DISP3: variants seen among roughly 807,000 people sequenced by gnomAD.
The protein encoded by DISP3 is protein dispatched homolog 3.
A neutral mutation model predicts 135.3 loss-of-function variants in DISP3; 101 were observed. That is an observed-to-expected ratio of 0.75 (90% confidence interval 0.64 to 0.88). DISP3 has a LOEUF of 0.88. Ranked by LOEUF, DISP3 falls within the 40% of genes least tolerant of loss-of-function variation. The probability of loss-of-function intolerance (pLI) is 0.00; values close to 1 mark genes in which losing one functional copy is unlikely to be tolerated. For missense variants in DISP3, 1,713 were observed against 1,878.6 expected, an observed-to-expected ratio of 0.91 and a Z score of 1.63; for synonymous variants, 856 against 817.0, an observed-to-expected ratio of 1.05 and a Z score of -0.81.
At chr1:11,493,825 T>C (rs1641255360) in intron 1 of DISP3, among the ~76,000 whole-genome samples, 1 of 152,164 alleles carries the variant, frequency 6.6e-6, no homozygotes, top group Non-Finnish European at 1.5e-5. Flanking sequence ...CCAGTCAAGT[T>C]GACACATAGA....
chr1:11,523,946 G>A lies in DISP3; in HGVS notation c.2367G>A (p.Leu789=), dbSNP rs1642330588. 6.2e-7 allele frequency: 1 copy of A among 1,612,354 alleles called. No individual in the cohort carries two copies. The highest frequency in any genetic ancestry group is 8.5e-7 in the Non-Finnish European group (1 of 1,179,258). Reference sequence around the variant, plus strand: ...TGACATGGCGCTGGGGGGCAGGTCTGTTCCAGGAGAAGCCCCACAGCCTGC... The same window carrying A: ...TGACATGGCGCTGGGGGGCAGGTCTATTCCAGGAGAAGCCCCACAGCCTGC... ...EGISCITCSG[L]FQEKPHSLQN... is the part of the protein sequence containing the mutation. Residue 789 remains leucine, a synonymous_variant, in exon 11 of 21, where the codon CTG becomes CTA. Transcript: ENST00000294484.
chr1:11,497,657 G>C (rs2100393420), intron 1 of DISP3, among the ~76,000 whole-genome samples: 1 of 152,222 alleles, frequency 6.6e-6, no homozygotes, highest in African/African-American at 2.4e-5. Flanking sequence ...CAGAGTGCCG[G>C]GATTACAGGC....
chr1:11,505,801 A>G (rs1034128135), intron 3 of DISP3, among the ~76,000 whole-genome samples: 10 of 152,190 alleles, frequency 6.6e-5, no homozygotes, highest in African/African-American at 2.4e-4. Context: ...TCATTATTTT[A>G]CAGAGTCTGT....
At chr1:11,504,681 G>T (rs1428397201) in intron 3 of DISP3, among the ~76,000 whole-genome samples, 1 of 152,138 alleles carries the variant, frequency 6.6e-6, no homozygotes, top group African/African-American at 2.4e-5. Context: ...ATAAAGCGAG[G>T]TTCCTCCTCT....
intron 1 of DISP3, among the ~76,000 whole-genome samples, chr1:11,490,649 T>C (rs1641159173): frequency 6.6e-6 from 1 of 152,138 alleles, no homozygotes; most frequent in African/African-American, 2.4e-5. Context: ...GCTCCAGTGC[T>C]GATGGGTCTT....
intron 3 of DISP3, among the ~76,000 whole-genome samples, chr1:11,503,299 G>A (rs1287551794): frequency 4.6e-5 from 7 of 152,194 alleles, no homozygotes; most frequent in Non-Finnish European, 7.3e-5. Context: ...ATATGTGAGA[G>A]GAGATTTATT....
chr1:11,519,330 C>G lies in DISP3; in HGVS notation c.1890-25C>G, dbSNP rs1410161347. 1.9e-6 allele frequency: 3 copies of G among 1,610,920 alleles called. No individual in the cohort carries two copies. In the South Asian group the frequency reaches 3.3e-5, roughly 18 times the overall value. On this transcript the variant is annotated intron_variant, in intron 7 of 20. Coordinates refer to ENST00000294484, the MANE Select transcript of DISP3 (RefSeq NM_020780.2). The surrounding 1 kb of genome is among the most constrained non-coding windows in gnomAD (Gnocchi z 4.3). ...TGGGTACCCAGGACCCTCTGGTTCACCCCTGTCCCCTACTCTCTCCACAGC... is the reference window on the plus strand; with the variant it reads ...TGGGTACCCAGGACCCTCTGGTTCAGCCCTGTCCCCTACTCTCTCCACAGC...
chr1:11,521,353 T>G, intron 10 of DISP3, among the ~76,000 whole-genome samples: 1 of 83,818 alleles, frequency 1.2e-5, no homozygotes, highest in East Asian at 3.7e-4. Flanking sequence ...GAGGAGGGGT[T>G]AGCCAGGTGA....
intron 12 of DISP3, 70 bp downstream of exon 12, chr1:11,525,382 G>C (rs1642384461): frequency 5.8e-6 from 9 of 1,543,208 alleles, no homozygotes; most frequent in Non-Finnish European, 7.9e-6. Context: ...GGCCACACTG[G>C]TGGGCAGCCC....
At chr1:11,533,253 CTTTTTTT>C (rs70983563) in intron 17 of DISP3, among the ~76,000 whole-genome samples, 20 of 103,986 alleles carry the variant, frequency 1.9e-4, no homozygotes, top group East Asian at 9.1e-4. Context: ...GTGACTGTTT[CTTTTTTT>C]TTTTTTTTTT....
rs1557600205 is a variant in DISP3, at chr1:11,501,758, TG to T, written c.769del (p.Asp257ThrfsTer7). 2 of 1,593,134 alleles carry T rather than the reference TG, an allele frequency of 1.3e-6. No homozygotes were observed. Among genetic ancestry groups the T allele is most frequent in the African/African-American group, 2.7e-5 (2 of 74,474 alleles). The stretch of plus-strand genomic sequence containing the variant: ...CCGTGCCCGCCGAGGCGCCTCGCGC[TG>T]GGACTACTCGCGCGCCTATGTGAGT... ...QSRARRGASR[W>X]DYSRAYVSAN... On this transcript the variant is annotated frameshift_variant, in exon 2 of 21. Transcript: ENST00000294484. LOFTEE classifies it high-confidence loss of function. This position sits in a 1 kb window ranked among gnomAD's most constrained non-coding sequence, Gnocchi z 4.9.
At position 11,536,961 on chromosome 1, in the gene DISP3, G is replaced by A. The variant is rs972093006; in HGVS notation, c.*275G>A. On this transcript the variant is annotated 3_prime_UTR_variant, in exon 21 of 21. Coordinates refer to ENST00000294484, the MANE Select transcript of DISP3 (RefSeq NM_020780.2). This position sits in a 1 kb window ranked among gnomAD's most constrained non-coding sequence, Gnocchi z 4.3. ...AGAGACCAGCCCTCCTCCCATGCCC[G>A]GTCACCATGGGGGTCAGGTTATTTT... 17 of 491,832 alleles carry A rather than the reference G, an allele frequency of 3.5e-5. No homozygotes were observed. Among genetic ancestry groups the A allele is most frequent in the African/African-American group, 1.2e-4 (6 of 51,670 alleles). 30.5% of individuals were successfully genotyped at this position (491,832 alleles called of 1,614,324 possible). A position where few individuals can be genotyped will look rare whatever the true frequency, so the allele number is the denominator to read the frequency against.
Position 11,529,499 on chromosome 1 carries a change from C to T in DISP3, c.2799-57C>T. On this transcript the variant is annotated intron_variant, in intron 13 of 20. Transcript: ENST00000294484. The surrounding 1 kb of genome is among the most constrained non-coding windows in gnomAD (Gnocchi z 4.7). ...CCCAACCCTGGCCTGCTGGCCTCAC[C>T]TCCCCTGACTCCTCCTAGCCTTTCC... is the stretch of plus-strand genomic sequence containing the variant. 1 of 1,516,180 alleles carries T rather than the reference C, an allele frequency of 6.6e-7. No individual in the cohort carries two copies. The allele number at this position is 1,516,180 out of a possible 1,614,324, so 93.9% of individuals were successfully genotyped here.
At chr1:11,532,833 G>A (rs965206040) in intron 17 of DISP3, among the ~76,000 whole-genome samples, 2 of 152,062 alleles carry the variant, frequency 1.3e-5, no homozygotes, top group South Asian at 2.1e-4. Flanking sequence ...CAGTAGCTGG[G>A]ACTACAGGTG....
chr1:11,528,052 G>T (rs1321591214), intron 13 of DISP3, among the ~76,000 whole-genome samples: 1 of 152,204 alleles, frequency 6.6e-6, no homozygotes, highest in Non-Finnish European at 1.5e-5. Context: ...GGTGTCTGGC[G>T]TAGTAGGTAC....
Position 11,536,794 on chromosome 1 carries a change from C to T in DISP3, c.*108C>T, listed in dbSNP as rs1298601997. 3.0e-5 allele frequency: 41 copies of T among 1,380,746 alleles called. No homozygotes were observed. The East Asian group carries it at 7.8e-4, about 26-fold the overall frequency. The allele number at this position is 1,380,746 out of a possible 1,614,324, so 85.5% of individuals were successfully genotyped here. A position where few individuals can be genotyped will look rare whatever the true frequency, so the allele number is the denominator to read the frequency against. On this transcript the variant is annotated 3_prime_UTR_variant, in exon 21 of 21. Transcript: ENST00000294484. The surrounding 1 kb of genome is among the most constrained non-coding windows in gnomAD (Gnocchi z 4.3). ...TGTGTCCCCAGGCCTGGGCCCAGGGCGCCCTGCGGGCCAGCGTGGAGGCTG... is the reference window on the plus strand; with the variant it reads ...TGTGTCCCCAGGCCTGGGCCCAGGGTGCCCTGCGGGCCAGCGTGGAGGCTG...
chr1:11,515,328 G>A, intron 4 of DISP3, 41 bp from the exon 5 acceptor site: 2 of 1,612,272 alleles, frequency 1.2e-6, no homozygotes, highest in South Asian at 1.1e-5. Flanking sequence ...TGTCCCATGA[G>A]GGTCCCCCCA....
rs752686812 is a variant in DISP3, at chr1:11,501,040, G to A, written c.48G>A (p.Glu16=). ...TGCTGCAGGATGTGTGGCTAGAGGAGGAGCAGGAGGAGGAAGAAGCAACGG... is the reference window on the plus strand; with the variant it reads ...TGCTGCAGGATGTGTGGCTAGAGGAAGAGCAGGAGGAGGAAGAAGCAACGG... ...DPLLQDVWLE[E]EQEEEEATGE... The change falls in exon 2 of 21, where the codon GAG becomes GAA. Residue 16 remains glutamate, a synonymous_variant. Transcript: ENST00000294484. This position sits in a 1 kb window ranked among gnomAD's most constrained non-coding sequence, Gnocchi z 4.9. 3.1e-6 allele frequency: 5 copies of A among 1,613,962 alleles called. No individual in the cohort carries two copies. In the South Asian group the frequency reaches 5.5e-5, roughly 18 times the overall value.
chr1:11,501,734 C>A lies in DISP3; in HGVS notation c.742C>A (p.Arg248Ser). The change falls in exon 2 of 21, where the codon CGT (arginine) becomes AGT (serine). Residue 248 changes from arginine (R) to serine (S), a missense_variant. Physicochemically the swap from Arg to Ser is moderately radical, Grantham distance 110 (BLOSUM62 -1). Transcript: ENST00000294484. The surrounding 1 kb of genome is among the most constrained non-coding windows in gnomAD (Gnocchi z 4.9). Reference protein sequence around the residue: ...PHAAVAANQSRARRGASRWDY... With the variant: ...PHAAVAANQSSARRGASRWDY... ...CGCGGCAGTCGCGGCCAATCAGAGC[C>A]GTGCCCGCCGAGGCGCCTCGCGCTG... is the stretch of plus-strand genomic sequence containing the variant. The A allele has an allele frequency of 6.3e-7, 1 of 1,591,562 alleles. No individual in the cohort carries two copies. Among genetic ancestry groups the A allele is most frequent in the East Asian group, 2.3e-5 (1 of 44,038 alleles).
Sources: allele counts gnomAD v4.1 joint callset (sites outside exome capture counted in the v4.1 genomes callset), GRCh38; gene constraint gnomAD v4.1.1; non-coding constraint Gnocchi (gnomAD v3.1); transcripts MANE v1.5; gene names NCBI Gene and HGNC (gene_info 2026-07-23, HGNC 2026-07-21).